Variants in PDE4D observed in about 807,000 individuals in gnomAD.
PDE4D encodes phosphodiesterase 4D.
Under a neutral mutation model 87.4 loss-of-function variants are expected in PDE4D, and 24 were observed. The observed-to-expected ratio is 0.27, with a 90% confidence interval of 0.20 to 0.39. The LOEUF (loss-of-function observed/expected upper bound fraction) is 0.39. Ranked by LOEUF, PDE4D falls within the 10% of genes least tolerant of loss-of-function variation. The pLI, the probability that PDE4D is intolerant of heterozygous loss-of-function variation, is 1.00. For synonymous variants in PDE4D, 384 were observed against 383.2 expected, an observed-to-expected ratio of 1.00 and a Z score of -0.02; for missense variants, 714 against 1,041.0, an observed-to-expected ratio of 0.69 and a Z score of 4.32.
intron 6 of PDE4D, among the ~76,000 whole-genome samples, chr5:59,036,723 G>A (rs959286317): frequency 1.3e-5 from 2 of 152,126 alleles, no homozygotes; most frequent in African/African-American, 4.8e-5. Flanking sequence ...AAGAAGACAC[G>A]AATGGCTTGG....
chr5:60,447,870 G>A (rs1042402357), intron 1 of PDE4D, among the ~76,000 whole-genome samples: 1 of 152,140 alleles, frequency 6.6e-6, no homozygotes, highest in Non-Finnish European at 1.5e-5. Context: ...TACTATACTA[G>A]GAGGGTAGCC....
chr5:58,987,187 T>C (rs1231640646), intron 11 of PDE4D, among the ~76,000 whole-genome samples: 3 of 150,350 alleles, frequency 2.0e-5, no homozygotes, highest in Non-Finnish European at 4.5e-5. Context: ...ACTGATACCA[T>C]GTAAATGCAG....
chr5:59,898,245 C>A (rs772324829), upstream of PDE4D, among the ~76,000 whole-genome samples: 4 of 152,182 alleles, frequency 2.6e-5, no homozygotes, highest in Non-Finnish European at 4.4e-5. Context: ...CTAATGATAC[C>A]ATTCCACTTG....
rs185702188 is a variant in PDE4D at position 60,261,245 on chromosome 5, G to A, written c.-89-75558C>T. ...AATTAGAAACAACCTTGAATGTTTGGATGGTAATCACTGACCAGGTTATGT... is the reference window on the plus strand; with the variant it reads ...AATTAGAAACAACCTTGAATGTTTGAATGGTAATCACTGACCAGGTTATGT... On this transcript the variant is annotated intron_variant, in intron 1 of 16. Coordinates refer to the PDE4D transcript ENST00000502484. 4.8e-4 allele frequency among the ~76,000 whole-genome samples: 73 copies of A among 152,232 alleles called. 1 individual carries two copies. The highest frequency in any genetic ancestry group is 4.6e-3 in the Admixed American group (71 of 15,270).
intron 2 of PDE4D, among the ~76,000 whole-genome samples, chr5:60,118,887 T>C (rs569919427): frequency 5.9e-5 from 9 of 152,154 alleles, no homozygotes; most frequent in Middle Eastern, 3.4e-3. Context: ...TATTATAACA[T>C]GTTTCCCCAA....
intron 5 of PDE4D, among the ~76,000 whole-genome samples, chr5:59,160,607 G>C (rs566495756): frequency 7.0e-4 from 106 of 152,228 alleles, no homozygotes; most frequent in African/African-American, 2.3e-3. Context: ...ACCTGCTAAA[G>C]TGCTGGGATT....
At chr5:59,091,174 C>A in intron 5 of PDE4D, 2 of 448,842 alleles carry the variant, frequency 4.5e-6, no homozygotes, top group South Asian at 3.2e-5. Context: ...TTTATTAGAA[C>A]GTGGAGCAAC....
At chr5:60,075,336 C>T (rs1447756878) in intron 2 of PDE4D, among the ~76,000 whole-genome samples, 1 of 152,132 alleles carries the variant, frequency 6.6e-6, no homozygotes, top group Admixed American at 6.5e-5. Context: ...TTAATATAGT[C>T]CCCCAATCTC....
At chr5:59,550,803 TCTC>T in intron 1 of PDE4D, among the ~76,000 whole-genome samples, 1 of 151,974 alleles carries the variant, frequency 6.6e-6, no homozygotes, top group Admixed American at 6.6e-5. Flanking sequence ...TTCAAGAGAT[TCTC>T]CTATCTCAGC....
rs374071264 is a variant in PDE4D, at chr5:60,299,120, T to G, written c.-89-113433A>C. Among the ~76,000 whole-genome samples the G allele has an allele frequency of 2.8e-4, 42 of 152,030 alleles. 1 individual carries two copies. Among genetic ancestry groups the G allele is most frequent in the Middle Eastern group, 3.4e-3 (1 of 294 alleles). ...AGCTCTAAATAAAAGTAAAATTAGG[T>G]TTTTTTTCAACCTTCTGATAGGAAT... On this transcript the variant is annotated intron_variant, in intron 1 of 16. Transcript: ENST00000502484.
chr5:59,809,003 G>A (rs1220160585), intron 1 of PDE4D, among the ~76,000 whole-genome samples: 1 of 152,024 alleles, frequency 6.6e-6, no homozygotes, highest in Non-Finnish European at 1.5e-5. Context: ...GGGGGCCGGG[G>A]GCACTATTCA....
chr5:59,527,656 A>G (rs1421545982), intron 1 of PDE4D, among the ~76,000 whole-genome samples: 1 of 152,196 alleles, frequency 6.6e-6, no homozygotes, highest in Non-Finnish European at 1.5e-5. Flanking sequence ...AACCTTCCAA[A>G]TTGTATATCA....
rs375323966 is a variant in PDE4D, at chr5:59,292,490, G to T, written c.456-76522C>A. 4.8e-4 allele frequency among the ~76,000 whole-genome samples: 73 copies of T among 152,114 alleles called. 2 individuals are homozygous for T. Among genetic ancestry groups the T allele is most frequent in the African/African-American group, 1.8e-3 (73 of 41,520 alleles). ...GTCTGGGAAGGGTCTTTATAATTTT[G>T]CTTTTGAAATTATGTGGCTACTATT... On this transcript the variant is annotated intron_variant, in intron 1 of 14. Transcript: ENST00000340635.
intron 2 of PDE4D, among the ~76,000 whole-genome samples, chr5:60,008,141 C>T (rs1371665965): frequency 6.6e-6 from 1 of 151,950 alleles, no homozygotes; most frequent in Admixed American, 6.6e-5. Flanking sequence ...AAGATTGGGT[C>T]TAATTGCTCT....
At chr5:60,059,037 CAT>C in intron 2 of PDE4D, among the ~76,000 whole-genome samples, 1 of 51,746 alleles carries the variant, frequency 1.9e-5, no homozygotes. Flanking sequence ...TTGGCATTGT[CAT>C]ATGTGTGTGT....
intron 1 of PDE4D, among the ~76,000 whole-genome samples, chr5:60,463,048 C>T (rs1351667621): frequency 3.3e-5 from 5 of 152,164 alleles, no homozygotes; most frequent in Non-Finnish European, 5.9e-5. Context: ...CCATCAGAAA[C>T]CCCTGCAAAC....
intron 1 of PDE4D, chr5:60,372,657 A>C (rs965661772): frequency 6.6e-6 from 1 of 152,170 alleles, no homozygotes; most frequent in African/African-American, 2.4e-5. Context: ...TAAAACCTGT[A>C]ATCACTGAGA....
At chr5:59,586,486 T>A in intron 1 of PDE4D, 1 of 1,383,960 alleles carries the variant, frequency 7.2e-7, no homozygotes, top group Non-Finnish European at 9.3e-7. Context: ...GGGCAATTAT[T>A]GCAACAAGTA....
At chr5:59,678,522 G>A (rs1046085382) in intron 1 of PDE4D, among the ~76,000 whole-genome samples, 1 of 152,130 alleles carries the variant, frequency 6.6e-6, no homozygotes, top group African/African-American at 2.4e-5. Context: ...CTGGAGTGCA[G>A]TGGCACCATT....
Sources: gnomAD v4.1 joint callset for allele counts (sites outside exome capture counted in the v4.1 genomes callset) on GRCh38, gnomAD v4.1.1 for gene constraint, MANE v1.5 for transcripts, NCBI Gene and HGNC (gene_info 2026-07-23, HGNC 2026-07-21) for gene names.